The following VEPH1 variants were observed in gnomAD, a reference collection of about 807,000 sequenced individuals.
The protein encoded by VEPH1 is ventricular zone expressed PH domain containing 1.
Under a neutral mutation model 85.2 loss-of-function variants are expected in VEPH1, and 80 were observed. The observed-to-expected ratio is 0.94, with a 90% CI of 0.78 to 1.13. The LOEUF is 1.13. Ranked by LOEUF, VEPH1 falls within the 50% of genes most tolerant of loss-of-function variation. VEPH1 has a pLI of 0.00. For synonymous variants in VEPH1, 297 were observed against 348.0 expected, an observed-to-expected ratio of 0.85 and a Z score of 1.63; for missense variants, 955 against 980.5, an observed-to-expected ratio of 0.97 and a Z score of 0.35.
At chr3:157,270,411 C>G (rs1032806634) in intron 12 of VEPH1, among the ~76,000 whole-genome samples, 2 of 152,054 alleles carry the variant, frequency 1.3e-5, no homozygotes, top group African/African-American at 4.8e-5. Flanking sequence ...GGTTATTAAA[C>G]TGAATTTTCT....
At chr3:157,468,561 C>T (rs1197757252) in intron 3 of VEPH1, among the ~76,000 whole-genome samples, 7 of 151,940 alleles carry the variant, frequency 4.6e-5, no homozygotes, top group South Asian at 2.1e-4. Context: ...GGCGACAGAG[C>T]GAGACTCCAT....
intron 9 of VEPH1, among the ~76,000 whole-genome samples, chr3:157,346,610 CTTT>C (rs5853780): frequency 6.7e-5 from 10 of 150,294 alleles, no homozygotes; most frequent in Admixed American, 6.0e-4. Flanking sequence ...GCCTTAAATA[CTTT>C]TTTTTTTCTT....
chr3:157,465,333 A>G (rs1400616378), intron 3 of VEPH1, among the ~76,000 whole-genome samples: 1 of 152,240 alleles, frequency 6.6e-6, no homozygotes, highest in Non-Finnish European at 1.5e-5. Flanking sequence ...AATTAAATCA[A>G]TAGCTTGTTA....
chr3:157,390,754 C>G (rs1390285651), intron 6 of VEPH1, among the ~76,000 whole-genome samples: 1 of 152,152 alleles, frequency 6.6e-6, no homozygotes, highest in Non-Finnish European at 1.5e-5. Context: ...TGTTTCTGGC[C>G]AGCCCACCAA....
Position 157,496,373 on chromosome 3 carries a change from C to G in VEPH1, c.-157-867G>C, listed in dbSNP as rs75744085. Among the ~76,000 whole-genome samples, 721 of 152,304 alleles carry G rather than the reference C, an allele frequency of 4.7e-3. 2 individuals are homozygous for G. The highest frequency in any genetic ancestry group is 0.016 in the African/African-American group (682 of 41,574). Reference sequence around the variant, plus strand: ...ACAGACCATTTGCACTGGCAGAGACCTTAGTAATCATTTAATGTCCAGTGA... The same window carrying G: ...ACAGACCATTTGCACTGGCAGAGACGTTAGTAATCATTTAATGTCCAGTGA... On this transcript the variant is annotated intron_variant, in intron 1 of 13. Transcript: ENST00000362010.
chr3:157,369,505 G>A (rs1727243544), intron 7 of VEPH1, among the ~76,000 whole-genome samples: 1 of 152,328 alleles, frequency 6.6e-6, no homozygotes, highest in Non-Finnish European at 1.5e-5. Context: ...GAGCACAGAA[G>A]TCAGTGGACT....
intron 11 of VEPH1, among the ~76,000 whole-genome samples, chr3:157,293,296 A>G (rs1045544345): frequency 3.4e-4 from 52 of 152,202 alleles, no homozygotes; most frequent in African/African-American, 1.2e-3. Context: ...TGCATGTGCT[A>G]TGTCCCATTG....
At chr3:157,431,282 C>G (rs572320361) in intron 4 of VEPH1, among the ~76,000 whole-genome samples, 69 of 152,272 alleles carry the variant, frequency 4.5e-4, no homozygotes, top group Admixed American at 1.0e-3. Context: ...GTCAATTAAA[C>G]CTCTTTTCTC....
intron 4 of VEPH1, among the ~76,000 whole-genome samples, chr3:157,435,925 T>C (rs780450375): frequency 6.6e-5 from 10 of 152,208 alleles, no homozygotes; most frequent in African/African-American, 2.4e-4. Flanking sequence ...TAAATAAGTA[T>C]ATTCCTTTTT....
intron 2 of VEPH1, among the ~76,000 whole-genome samples, chr3:157,485,587 A>T (rs980685938): frequency 6.6e-6 from 1 of 152,122 alleles, no homozygotes; most frequent in Admixed American, 6.6e-5. Flanking sequence ...AAAAATTTTC[A>T]GAAAAAATAT....
At chr3:157,298,779 G>GT (rs1418373498) in intron 11 of VEPH1, among the ~76,000 whole-genome samples, 1 of 151,880 alleles carries the variant, frequency 6.6e-6, no homozygotes, top group Non-Finnish European at 1.5e-5. Context: ...CTAGGAAATA[G>GT]TTTTTTTTAC....
At chr3:157,363,824 A>G (rs1311518533) in intron 8 of VEPH1, 63 bp from the exon 9 acceptor site, 29 of 1,540,322 alleles carry the variant, frequency 1.9e-5, no homozygotes, top group Middle Eastern at 2.0e-4. Context: ...AAGGAAAAGA[A>G]ATAATAATAA....
intron 3 of VEPH1, among the ~76,000 whole-genome samples, chr3:157,462,954 T>C (rs1469290937): frequency 6.6e-6 from 1 of 152,198 alleles, no homozygotes; most frequent in Non-Finnish European, 1.5e-5. Flanking sequence ...TCTCCTGCTG[T>C]ATTTAAAGTA....
intron 9 of VEPH1, among the ~76,000 whole-genome samples, chr3:157,338,642 CAT>C (rs1461930396): frequency 6.6e-6 from 1 of 152,090 alleles, no homozygotes; most frequent in Non-Finnish European, 1.5e-5. Context: ...ATTCAGATAT[CAT>C]TTATTTGTGG....
intron 11 of VEPH1, among the ~76,000 whole-genome samples, chr3:157,304,038 T>TATATATATATATACACACACACACACAC: frequency 0.012 from 1,133 of 96,836 alleles, 39 homozygotes; most frequent in Non-Finnish European, 0.02. Flanking sequence ...TATATATATA[T>TATATATATATATACACACACACACACAC]ACACACATAC....
intron 6 of VEPH1, among the ~76,000 whole-genome samples, chr3:157,385,994 C>A (rs1213638023): frequency 6.6e-6 from 1 of 152,082 alleles, no homozygotes; most frequent in Non-Finnish European, 1.5e-5. Flanking sequence ...ACTATTTTCA[C>A]CACTGATCTC....
intron 4 of VEPH1, among the ~76,000 whole-genome samples, chr3:157,428,793 C>A (rs1371184492): frequency 6.6e-6 from 1 of 152,108 alleles, no homozygotes; most frequent in Non-Finnish European, 1.5e-5. Flanking sequence ...GAGAAGGAAA[C>A]AGTTCCAATA....
At chr3:157,466,893 A>G (rs1272896949) in intron 3 of VEPH1, among the ~76,000 whole-genome samples, 3 of 152,230 alleles carry the variant, frequency 2.0e-5, no homozygotes, top group African/African-American at 4.8e-5. Flanking sequence ...CATGTCCCAT[A>G]TATGTACCGA....
At chr3:157,485,000 C>T (rs969500210) in intron 2 of VEPH1, among the ~76,000 whole-genome samples, 20 of 152,120 alleles carry the variant, frequency 1.3e-4, no homozygotes, top group Non-Finnish European at 2.1e-4. Context: ...GGTAGGTGAT[C>T]TTTTACCAAT....
Sources: allele counts gnomAD v4.1 joint callset (sites outside exome capture counted in the v4.1 genomes callset), GRCh38; gene constraint gnomAD v4.1.1; transcripts MANE v1.5; gene names NCBI Gene and HGNC (gene_info 2026-07-23, HGNC 2026-07-21).